Variants in MBNL1 observed in about 807,000 individuals in gnomAD.
MBNL1 encodes the protein muscleblind-like protein 1.
Under a neutral mutation model 42.2 loss-of-function variants are expected in MBNL1, and 8 were observed. That is an observed-to-expected ratio of 0.19 (90% CI 0.11 to 0.34). The LOEUF (loss-of-function observed/expected upper bound fraction) is 0.34, where lower values mean the gene tolerates loss of function less well. Ranked by LOEUF, MBNL1 falls within the 10% of genes least tolerant of loss-of-function variation. The pLI is 1.00. For synonymous variants in MBNL1, 169 were observed against 173.9 expected (o/e 0.97, Z 0.22); for missense variants, 309 against 495.3 (o/e 0.62, Z 3.57).
intron 2 of MBNL1, among the ~76,000 whole-genome samples, chr3:152,379,205 C>T (rs1471373693): frequency 6.6e-6 from 1 of 152,150 alleles, no homozygotes; most frequent in Admixed American, 6.5e-5. Flanking sequence ...TTGGGTTTCT[C>T]TTGGCAAATT....
chr3:152,322,120 T>G (rs1303998324), intron 2 of MBNL1, among the ~76,000 whole-genome samples: 1 of 152,082 alleles, frequency 6.6e-6, no homozygotes, highest in Non-Finnish European at 1.5e-5. Context: ...GAGAAAAACA[T>G]TAGAACTCTG....
At chr3:152,269,369 G>C in intron 1 of MBNL1, 1 of 355,428 alleles carries the variant, frequency 2.8e-6, no homozygotes, top group East Asian at 8.3e-5. Flanking sequence ...GCAGCCCAGC[G>C]GGACCCAGGG....
intron 2 of MBNL1, among the ~76,000 whole-genome samples, chr3:152,377,724 G>C (rs1419390924): frequency 6.6e-6 from 1 of 152,144 alleles, no homozygotes; most frequent in African/African-American, 2.4e-5. Flanking sequence ...TAAATTAACT[G>C]ACTTCTACAG....
intron 2 of MBNL1, among the ~76,000 whole-genome samples, chr3:152,250,078 C>T (rs1187303320): frequency 3.3e-5 from 5 of 151,940 alleles, no homozygotes; most frequent in African/African-American, 1.2e-4. Flanking sequence ...GTTCTTTTGG[C>T]TTAGGATTTA....
intron 2 of MBNL1, among the ~76,000 whole-genome samples, chr3:152,258,456 C>A (rs1326937638): frequency 6.6e-6 from 1 of 152,166 alleles, no homozygotes; most frequent in Non-Finnish European, 1.5e-5. Context: ...TCTTTTCCTG[C>A]CCTGATTCTT....
At chr3:152,389,972 T>C (rs2153463376) in intron 2 of MBNL1, among the ~76,000 whole-genome samples, 1 of 152,134 alleles carries the variant, frequency 6.6e-6, no homozygotes, top group Non-Finnish European at 1.5e-5. Flanking sequence ...GCCTCCCGGG[T>C]TCAAGAAATT....
intron 1 of MBNL1, among the ~76,000 whole-genome samples, chr3:152,271,407 C>T (rs1388366876): frequency 6.6e-6 from 1 of 152,088 alleles, no homozygotes; most frequent in African/African-American, 2.4e-5. Context: ...TATAAAATGC[C>T]TTATCTTCAT....
At chr3:152,269,309 C>T (rs1023089773) in intron 1 of MBNL1, 3 of 349,816 alleles carry the variant, frequency 8.6e-6, no homozygotes, top group African/African-American at 6.6e-5. Flanking sequence ...GCGCCCTTCC[C>T]TGCCGCGGGC....
At chr3:152,247,862 A>G (rs2033497303) in intron 2 of MBNL1, among the ~76,000 whole-genome samples, 1 of 152,054 alleles carries the variant, frequency 6.6e-6, no homozygotes, top group African/African-American at 2.4e-5. Context: ...ATGTCATTAG[A>G]ATCATTCATT....
Position 152,459,348 on chromosome 3 carries a change from A to G in MBNL1, c.*18+3A>G. 6.6e-7 allele frequency: 1 copy of G among 1,516,944 alleles called. No individual in the cohort carries two copies. Among genetic ancestry groups the G allele is most frequent in the Non-Finnish European group, 9.0e-7 (1 of 1,109,738 alleles). The allele number at this position is 1,516,944 out of a possible 1,614,324, so 94.0% of individuals were successfully genotyped here. On this transcript the variant is annotated splice_donor_region_variant and intron_variant, in intron 9 of 9. Transcript: ENST00000324210. ...TGTAGAATTTTCATCACTAAACAGT[A>G]AGTTCATTATGTAATATATAGTTGC...
upstream of MBNL1, chr3:152,263,523 C>T (rs1194005779): frequency 3.9e-5 from 6 of 152,230 alleles, no homozygotes; most frequent in East Asian, 1.9e-4. Context: ...ACCCCATTGC[C>T]GAGGGTCTTC....
intron 1 of MBNL1, among the ~76,000 whole-genome samples, chr3:152,296,634 A>G (rs1290657372): frequency 1.3e-5 from 2 of 151,910 alleles, no homozygotes; most frequent in Non-Finnish European, 2.9e-5. Context: ...GAAAGGGCCT[A>G]TGTGACCCTG....
chr3:152,325,226 A>C (rs574597355), intron 2 of MBNL1, among the ~76,000 whole-genome samples: 32 of 151,500 alleles, frequency 2.1e-4, no homozygotes, highest in Non-Finnish European at 3.8e-4. Flanking sequence ...TCCTCTAGAA[A>C]GCTTCTCCTC....
intron 2 of MBNL1, among the ~76,000 whole-genome samples, chr3:152,336,327 G>A (rs1271960989): frequency 6.6e-6 from 1 of 152,060 alleles, no homozygotes; most frequent in East Asian, 1.9e-4. Context: ...GAGCATAGGT[G>A]CAGAATACAA....
At chr3:152,275,490 C>A (rs2044453797) in intron 1 of MBNL1, among the ~76,000 whole-genome samples, 3 of 151,996 alleles carry the variant, frequency 2.0e-5, no homozygotes, top group Admixed American at 6.6e-5. Context: ...GCAGGCAGAT[C>A]ACGAGGTCAG....
At chr3:152,263,427 C>T (rs2036637342), upstream of MBNL1, 1 of 152,156 alleles carries the variant, frequency 6.6e-6, no homozygotes, top group African/African-American at 2.4e-5. Context: ...ACCACATCTC[C>T]CTTCCCTCAA....
intron 1 of MBNL1, among the ~76,000 whole-genome samples, chr3:152,276,177 A>G (rs534832906): frequency 8.1e-4 from 124 of 152,166 alleles, no homozygotes; most frequent in Non-Finnish European, 1.4e-3. Flanking sequence ...TTTTTAACCA[A>G]TTTTTCTTGT....
At chr3:152,321,921 T>C (rs949147736) in intron 2 of MBNL1, among the ~76,000 whole-genome samples, 6 of 152,126 alleles carry the variant, frequency 3.9e-5, no homozygotes, top group African/African-American at 1.4e-4. Flanking sequence ...GGTTGTTCTT[T>C]GTTTTTTAAA....
chr3:152,266,293 A>G (rs1279538460), upstream of MBNL1: 1 of 152,142 alleles, frequency 6.6e-6, no homozygotes, highest in African/African-American at 2.4e-5. Context: ...TTAAAGGATC[A>G]TCCTTGTATT....
Sources: gnomAD v4.1 joint callset for allele counts (sites outside exome capture counted in the v4.1 genomes callset) on GRCh38, gnomAD v4.1.1 for gene constraint, MANE v1.5 for transcripts, NCBI Gene and HGNC (gene_info 2026-07-23, HGNC 2026-07-21) for gene names.